The following ADGRV1 variants were observed in gnomAD, a reference collection of about 807,000 sequenced individuals.
The protein encoded by ADGRV1 is G-protein coupled receptor 98.
ADGRV1 carries 359 observed loss-of-function variants against 596.2 expected under a neutral mutation model. The observed-to-expected ratio is 0.60, with a 90% CI of 0.55 to 0.66. ADGRV1 has a LOEUF of 0.66. ADGRV1 is among the 30% of genes least tolerant of loss of function. The probability of loss-of-function intolerance (pLI) is 0.00; values close to 1 mark genes in which losing one functional copy is unlikely to be tolerated. For synonymous variants in ADGRV1, 2,681 were observed against 2,679.2 expected (o/e 1.00, Z -0.02); for missense variants, 7,274 against 7,575.6 (o/e 0.96, Z 1.48).
At chr5:90,812,079 C>T (rs1178091679) in intron 74 of ADGRV1, among the ~76,000 whole-genome samples, 3 of 151,960 alleles carry the variant, frequency 2.0e-5, no homozygotes, top group Admixed American at 6.6e-5. Flanking sequence ...AGGCACCTGC[C>T]ACCACGCCCG....
chr5:90,823,552 G>A lies in ADGRV1; in HGVS notation c.16324G>A (p.Gly5442Ser), dbSNP rs775288410. Residue 5442 changes from glycine to serine, a missense_variant, in exon 76 of 90, where the codon GGT becomes AGT. Transcript: ENST00000405460. Reference protein sequence around the residue: ...SVSGTTTCTMGQTKCFISIEL... With the variant: ...SVSGTTTCTMSQTKCFISIEL... ...GTCAGGGACCACAACCTGTACAATG[G>A]GTCAAACAAAATGCTTTATCAGCAT... 2 of 1,613,342 alleles carry A rather than the reference G, an allele frequency of 1.2e-6. No individual in the cohort carries two copies. Among genetic ancestry groups the A allele is most frequent in the South Asian group, 1.1e-5 (1 of 90,986 alleles).
intron 83 of ADGRV1, among the ~76,000 whole-genome samples, chr5:90,932,966 T>C (rs1427232736): frequency 6.6e-6 from 1 of 152,210 alleles, no homozygotes; most frequent in Non-Finnish European, 1.5e-5. Flanking sequence ...GCCCCACGTA[T>C]ATAATTATAC....
At chr5:90,985,560 T>C (rs772839253) in intron 85 of ADGRV1, 38 bp downstream of exon 85, 11 of 1,539,500 alleles carry the variant, frequency 7.1e-6, no homozygotes, top group Admixed American at 1.7e-5. Flanking sequence ...CTAGCTTTCA[T>C]GTACCTAAGC....
intron 67 of ADGRV1, 57 bp downstream of exon 67, chr5:90,784,114 G>A (rs1759170117): frequency 1.8e-6 from 2 of 1,129,454 alleles, no homozygotes; most frequent in East Asian, 2.5e-5. Flanking sequence ...GAGTATGGTA[G>A]TGTGTTTTCT....
chr5:90,764,151 G>A (rs73772489), intron 59 of ADGRV1, among the ~76,000 whole-genome samples: 4,968 of 152,256 alleles, frequency 0.033, 119 homozygotes, highest in South Asian at 0.12. Context: ...TCTCGTGCCC[G>A]TGTTGCAGGA....
At chr5:90,730,803 A>G (rs778398293) in intron 50 of ADGRV1, among the ~76,000 whole-genome samples, 4 of 152,202 alleles carry the variant, frequency 2.6e-5, no homozygotes, top group Non-Finnish European at 5.9e-5. Flanking sequence ...ACAGTGGGTC[A>G]TCATGTCTCC....
At chr5:90,949,432 GTTATGACC>G (rs1343610663) in intron 83 of ADGRV1, among the ~76,000 whole-genome samples, 1 of 152,134 alleles carries the variant, frequency 6.6e-6, no homozygotes, top group Non-Finnish European at 1.5e-5. Context: ...CAACTTTTCT[GTTATGACC>G]TTATAAAACT....
chr5:90,977,774 T>C (rs948308633), intron 84 of ADGRV1, among the ~76,000 whole-genome samples: 10 of 152,224 alleles, frequency 6.6e-5, no homozygotes, highest in Admixed American at 2.0e-4. Flanking sequence ...TTTAGTTTAC[T>C]GCTATCTATA....
chr5:90,924,975 T>C (rs1316318433), intron 83 of ADGRV1, among the ~76,000 whole-genome samples: 1 of 151,102 alleles, frequency 6.6e-6, no homozygotes, highest in African/African-American at 2.4e-5. Context: ...GGCTCTGTTC[T>C]GTTCCATTGA....
chr5:90,603,516 A>T (rs1469651784), intron 1 of ADGRV1, among the ~76,000 whole-genome samples: 5 of 152,048 alleles, frequency 3.3e-5, no homozygotes, highest in Non-Finnish European at 7.4e-5. Flanking sequence ...ACAGAGATGG[A>T]TTCCCTCCCC....
intron 83 of ADGRV1, among the ~76,000 whole-genome samples, chr5:90,937,736 C>T (rs1202521516): frequency 4.6e-5 from 7 of 152,204 alleles, no homozygotes; most frequent in African/African-American, 1.2e-4. Context: ...GGATTACAGG[C>T]GTGAGCCACA....
rs1035639678 is a variant in ADGRV1 at position 90,634,670 on chromosome 5, G to A, written c.1840-444G>A. On this transcript the variant is annotated intron_variant, in intron 9 of 89. Coordinates refer to ENST00000405460, the MANE Select transcript of ADGRV1 (RefSeq NM_032119.4). ...GGCTTTAAGGTCAAGGTAGTTGGAT[G>A]TAGGTGGCAAGGAGGAAAAGCAGGT... is the stretch of plus-strand genomic sequence containing the variant. 3.9e-5 allele frequency among the ~76,000 whole-genome samples: 6 copies of A among 152,140 alleles called. No homozygotes were observed. The East Asian group carries it at 1.2e-3, about 29-fold the overall frequency.
At chr5:90,890,164 T>G (rs1770672128) in intron 83 of ADGRV1, among the ~76,000 whole-genome samples, 1 of 152,210 alleles carries the variant, frequency 6.6e-6, no homozygotes. Flanking sequence ...AAATAAATCA[T>G]AAGGGTGACT....
intron 55 of ADGRV1, among the ~76,000 whole-genome samples, chr5:90,755,492 A>G (rs563074001): frequency 6.6e-6 from 1 of 152,198 alleles, no homozygotes; most frequent in East Asian, 1.9e-4. Context: ...TTGTTTTGTC[A>G]GTTTTTAAAC....
At chr5:90,648,777 A>G (rs1768169966) in intron 17 of ADGRV1, among the ~76,000 whole-genome samples, 1 of 152,212 alleles carries the variant, frequency 6.6e-6, no homozygotes, top group Non-Finnish European at 1.5e-5. Context: ...ACTAAAAACT[A>G]TTATCCTGTG....
intron 87 of ADGRV1, among the ~76,000 whole-genome samples, chr5:91,131,805 C>A (rs565704042): frequency 6.6e-6 from 1 of 152,134 alleles, no homozygotes; most frequent in South Asian, 2.1e-4. Flanking sequence ...TAATTAGGTC[C>A]CAATTGTCGA....
intron 50 of ADGRV1, among the ~76,000 whole-genome samples, chr5:90,743,016 C>T (rs1009581430): frequency 1.3e-5 from 2 of 152,094 alleles, no homozygotes; most frequent in South Asian, 2.1e-4. Flanking sequence ...AGAGTAAGCA[C>T]TACTGATTAT....
Position 90,720,127 on chromosome 5 carries a change from G to A in ADGRV1, c.9527G>A (p.Gly3176Glu). 1.2e-6 allele frequency: 2 copies of A among 1,613,546 alleles called. No homozygotes were observed. Among genetic ancestry groups the A allele is most frequent in the Non-Finnish European group, 1.7e-6 (2 of 1,179,514 alleles). ...YFVCTLFNPT[G>E]GARLGVHVQT... ...GTTTGCACCTTGTTTAATCCAACTGGAGGTGCTAGACTAGGGGTGCATGTT... is the reference window on the plus strand; with the variant it reads ...GTTTGCACCTTGTTTAATCCAACTGAAGGTGCTAGACTAGGGGTGCATGTT... Residue 3176 changes from glycine (G) to glutamate (E), a missense_variant, in exon 44 of 90, where the codon GGA (glycine) becomes GAA (glutamate). Physicochemically the swap from Gly to Glu is moderately conservative, Grantham distance 98. Around this residue, in one of 5 missense-constraint regions of ADGRV1, gnomAD observed 3,643 missense variants for 3,809.2 expected, o/e 0.96. Transcript: ENST00000405460.
At chr5:91,062,678 C>G (rs1303181442) in intron 85 of ADGRV1, among the ~76,000 whole-genome samples, 1 of 152,164 alleles carries the variant, frequency 6.6e-6, no homozygotes, top group Admixed American at 6.5e-5. Context: ...TCCTTTTCTG[C>G]AACATTCAGA....
Sources: allele counts gnomAD v4.1 joint callset (sites outside exome capture counted in the v4.1 genomes callset), GRCh38; gene constraint gnomAD v4.1.1; regional missense constraint gnomAD v4.1.1; transcripts MANE v1.5; gene names NCBI Gene and HGNC (gene_info 2026-07-23, HGNC 2026-07-21).